SPATS2L: variants seen among roughly 807,000 people sequenced by gnomAD.
SPATS2L encodes SPATS2-like protein.
In SPATS2L, 30 loss-of-function variants were observed where a neutral mutation model predicts 59.6. That is an observed-to-expected ratio of 0.50 (90% CI 0.38 to 0.68). SPATS2L has a LOEUF of 0.68. Ranked by LOEUF, SPATS2L falls within the 30% of genes least tolerant of loss-of-function variation. The pLI is 0.00. For missense variants in SPATS2L, 615 were observed against 700.0 expected (o/e 0.88, Z 1.37); for synonymous variants, 252 against 263.5 (o/e 0.96, Z 0.42).
intron 1 of SPATS2L, among the ~76,000 whole-genome samples, chr2:200,323,226 C>T (rs2079623014): frequency 6.6e-6 from 1 of 152,148 alleles, no homozygotes; most frequent in Non-Finnish European, 1.5e-5. Flanking sequence ...CCTGGGCAAA[C>T]AGCTTTCCTA....
chr2:200,411,648 G>A (rs1477570199), intron 3 of SPATS2L, among the ~76,000 whole-genome samples: 1 of 152,228 alleles, frequency 6.6e-6, no homozygotes, highest in Non-Finnish European at 1.5e-5. Context: ...ACTAGGAAAT[G>A]CATATATGTC....
chr2:200,333,458 T>A (rs1321510962), intron 2 of SPATS2L, among the ~76,000 whole-genome samples: 1 of 151,724 alleles, frequency 6.6e-6, no homozygotes, highest in East Asian at 1.9e-4. Context: ...AAGTTGGGAG[T>A]TTGGGGTACA....
chr2:200,356,642 T>C (rs981602477), intron 2 of SPATS2L, among the ~76,000 whole-genome samples: 1 of 152,214 alleles, frequency 6.6e-6, no homozygotes, highest in African/African-American at 2.4e-5. Context: ...ACTTATCAAC[T>C]AGATTCAATA....
chr2:200,390,865 A>T (rs897142328), intron 3 of SPATS2L: 2 of 151,984 alleles, frequency 1.3e-5, no homozygotes, highest in African/African-American at 4.8e-5. Flanking sequence ...AAAAAAAAAA[A>T]AAAGGCCAGA....
chr2:200,314,444 C>CT (rs1167588210), intron 1 of SPATS2L, among the ~76,000 whole-genome samples: 13 of 152,326 alleles, frequency 8.5e-5, no homozygotes, highest in African/African-American at 2.6e-4. Flanking sequence ...TCTGCCTGGC[C>CT]TGTCTCCAAT....
chr2:200,451,859 C>G (rs1253403346), intron 8 of SPATS2L, among the ~76,000 whole-genome samples: 1 of 149,910 alleles, frequency 6.7e-6, no homozygotes, highest in Non-Finnish European at 1.5e-5. Context: ...GGAAATACAA[C>G]AGTGATCAGA....
At chr2:200,392,266 A>C (rs2082194156) in intron 3 of SPATS2L, among the ~76,000 whole-genome samples, 1 of 152,136 alleles carries the variant, frequency 6.6e-6, no homozygotes, top group Non-Finnish European at 1.5e-5. Context: ...GCTGACGTTT[A>C]AGTTGATCAC....
chr2:200,317,994 G>A (rs2079435607), intron 1 of SPATS2L, among the ~76,000 whole-genome samples: 1 of 152,176 alleles, frequency 6.6e-6, no homozygotes, highest in South Asian at 2.1e-4. Flanking sequence ...GCTTTAGTAT[G>A]CTAAGGTAAG....
chr2:200,427,928 T>G (rs1437777), intron 6 of SPATS2L, among the ~76,000 whole-genome samples: 52,190 of 151,978 alleles, frequency 0.34, 9,285 homozygotes, highest in South Asian at 0.43. Flanking sequence ...AAAAATTAGC[T>G]GAGCAGGGTA....
intron 3 of SPATS2L, among the ~76,000 whole-genome samples, chr2:200,409,742 G>A (rs2082810428): frequency 6.6e-6 from 1 of 152,172 alleles, no homozygotes; most frequent in Admixed American, 6.5e-5. Context: ...CTGATATTCA[G>A]TTAGATTTGA....
chr2:200,422,993 A>G (rs1370819292), intron 6 of SPATS2L, among the ~76,000 whole-genome samples: 1 of 152,220 alleles, frequency 6.6e-6, no homozygotes, highest in African/African-American at 2.4e-5. Context: ...CTGATCACCA[A>G]GACAGCCACT....
rs78660881 is a variant in SPATS2L, at chr2:200,425,913, A to C, written c.445+6417A>C. 2.5e-3 allele frequency among the ~76,000 whole-genome samples: 382 copies of C among 152,240 alleles called. 8 individuals are homozygous for C. In the East Asian group the frequency reaches 0.046, roughly 18 times the overall value. Reference sequence around the variant, plus strand: ...TGCGTGTATGCAGCAATTCCATAGAAGGTCCCACTGTGACGTAAGTGTCTG... The same window carrying C: ...TGCGTGTATGCAGCAATTCCATAGACGGTCCCACTGTGACGTAAGTGTCTG... On this transcript the variant is annotated intron_variant, in intron 6 of 12. Coordinates refer to ENST00000409140, the MANE Select transcript of SPATS2L (RefSeq NM_001100423.2).
chr2:200,324,567 G>A lies in SPATS2L; in HGVS notation c.-72-4864G>A, dbSNP rs188871575. ...GTGTCTCCTCTGCACCAGGCACTGT[G>A]AGAGGAACAAAGGGAAATCAGGTCT... On this transcript the variant is annotated intron_variant, in intron 1 of 12. Coordinates refer to ENST00000409140, the MANE Select transcript of SPATS2L (RefSeq NM_001100423.2). 1.1e-3 allele frequency among the ~76,000 whole-genome samples: 170 copies of A among 152,282 alleles called. 1 individual carries two copies. Among genetic ancestry groups the A allele is most frequent in the Admixed American group, 1.8e-3 (27 of 15,292 alleles).
At chr2:200,364,386 C>T (rs1485603124) in intron 2 of SPATS2L, among the ~76,000 whole-genome samples, 1 of 152,122 alleles carries the variant, frequency 6.6e-6, no homozygotes, top group Non-Finnish European at 1.5e-5. Context: ...AAGTACTTAG[C>T]ATAGGGAACA....
chr2:200,347,146 T>C (rs187162071), intron 2 of SPATS2L, among the ~76,000 whole-genome samples: 3 of 152,170 alleles, frequency 2.0e-5, no homozygotes, highest in African/African-American at 7.2e-5. Context: ...AGGCCGAGCA[T>C]GGAAAACACA....
chr2:200,396,811 AC>A (rs2082369915), intron 3 of SPATS2L, among the ~76,000 whole-genome samples: 2 of 152,216 alleles, frequency 1.3e-5, no homozygotes, highest in South Asian at 4.1e-4. Context: ...TTGGATTCAA[AC>A]AAGAACACAA....
intron 2 of SPATS2L, chr2:200,383,732 C>T (rs753810528): frequency 1.6e-4 from 35 of 213,686 alleles, no homozygotes; most frequent in Middle Eastern, 2.1e-3. Context: ...ACCCTATTAA[C>T]GGCCCCAAAT....
At chr2:200,412,514 TATGTG>T in intron 4 of SPATS2L, 95 bp downstream of exon 4, 4 of 639,218 alleles carry the variant, frequency 6.3e-6, no homozygotes, top group Non-Finnish European at 7.8e-6. Context: ...ATCAATTCAT[TATGTG>T]TACTTTAGGT....
chr2:200,414,756 A>G (rs1395154651), intron 4 of SPATS2L, among the ~76,000 whole-genome samples: 2 of 152,252 alleles, frequency 1.3e-5, no homozygotes, highest in Admixed American at 1.3e-4. Flanking sequence ...AAGCCGTTTC[A>G]GTATAATTAA....
Sources: allele counts gnomAD v4.1 joint callset (sites outside exome capture counted in the v4.1 genomes callset), GRCh38; gene constraint gnomAD v4.1.1; transcripts MANE v1.5; gene names NCBI Gene and HGNC (gene_info 2026-07-23, HGNC 2026-07-21).